Variants in F13B observed in about 807,000 individuals in gnomAD.
F13B encodes the protein TGase.
A neutral mutation model predicts 79.8 loss-of-function variants in F13B; 58 were observed. That is an observed-to-expected ratio of 0.73 (90% CI 0.59 to 0.90). The LOEUF is 0.90. Ranked by LOEUF, F13B falls within the 40% of genes least tolerant of loss-of-function variation. The probability of loss-of-function intolerance (pLI) is 0.00; values close to 1 mark genes in which losing one functional copy is unlikely to be tolerated. For synonymous variants in F13B, 283 were observed against 260.3 expected (o/e 1.09, Z -0.84); for missense variants, 773 against 777.0 (o/e 0.99, Z 0.06).
At chr1:197,064,148 C>T (rs560956292) in intron 1 of F13B, among the ~76,000 whole-genome samples, 1 of 152,092 alleles carries the variant, frequency 6.6e-6, no homozygotes, top group Non-Finnish European at 1.5e-5. Context: ...ATGAAAAAGA[C>T]AAGCTATCTC....
At position 197,060,898 on chromosome 1, in the gene F13B, C is replaced by A. The variant is rs770386778; in HGVS notation, c.628+1G>T. 1.9e-6 allele frequency: 3 copies of A among 1,612,346 alleles called. No homozygotes were observed. Among genetic ancestry groups the A allele is most frequent in the Admixed American group, 1.7e-5 (1 of 59,916 alleles). ...AGATTTTATTCCAAATGAGAACCTA[C>A]TGGTACATTTTGGTGTGAGAGACCA... On this transcript the variant is annotated splice_donor_variant, in intron 4 of 11. Coordinates refer to ENST00000367412, the MANE Select transcript of F13B (RefSeq NM_001994.3). LOFTEE classifies it high-confidence loss of function.
intron 4 of F13B, 129 bp downstream of exon 4, chr1:197,060,770 A>G (rs1655824503): frequency 2.3e-6 from 2 of 888,090 alleles, no homozygotes; most frequent in South Asian, 2.9e-5. Flanking sequence ...ACTGCTATCA[A>G]CATAATTAAA....
At chr1:197,039,690 A>G (rs1296293355) in intron 11 of F13B, among the ~76,000 whole-genome samples, 1 of 152,100 alleles carries the variant, frequency 6.6e-6, no homozygotes. Flanking sequence ...TAAATAGCAT[A>G]TAAAATTTTT....
intron 8 of F13B, among the ~76,000 whole-genome samples, chr1:197,054,695 TTAAA>T (rs1312162247): frequency 6.6e-6 from 1 of 151,916 alleles, no homozygotes; most frequent in Admixed American, 6.6e-5. Context: ...TAATTAATTC[TTAAA>T]TAAATCAAAT....
chr1:197,040,287 G>A (rs1165300368), intron 11 of F13B: 5 of 478,442 alleles, frequency 1.0e-5, no homozygotes, highest in African/African-American at 7.8e-5. Context: ...ATTTGCCAAA[G>A]TGTCACAAAT....
At position 197,046,403 on chromosome 1, in the gene F13B, C is replaced by G. The variant is rs879011722; in HGVS notation, c.1738+4294G>C. Among the ~76,000 whole-genome samples, 8 of 151,988 alleles carry G rather than the reference C, an allele frequency of 5.3e-5. 1 individual carries two copies. The highest frequency in any genetic ancestry group is 1.3e-4 in the Admixed American group (2 of 15,268). On this transcript the variant is annotated intron_variant, in intron 10 of 11. Transcript: ENST00000367412. ...ACAGAGAGCCAAATTATGAGTGAAC[C>G]CCCATTCACAATTACTTCAAAGAGA... is the stretch of plus-strand genomic sequence containing the variant.
In F13B at chr1:197,060,471, C is replaced by T; in HGVS notation, c.700G>A (p.Gly234Arg). The T allele has an allele frequency of 1.2e-6, 2 of 1,608,710 alleles. No individual in the cohort carries two copies. The highest frequency in any genetic ancestry group is 1.7e-6 in the Non-Finnish European group (2 of 1,176,664). ...FHPVKQTYEEGDVVQFFCHEN... is the reference protein window; with the variant it reads ...FHPVKQTYEERDVVQFFCHEN... Reference sequence around the variant, plus strand: ...TGACAGAAAAACTGAACGACATCTCCTTCTTCATAGGTTTGCTTTACAGGA... The same window carrying T: ...TGACAGAAAAACTGAACGACATCTCTTTCTTCATAGGTTTGCTTTACAGGA... The change falls in exon 5 of 12, where the codon GGA becomes AGA. Residue 234 changes from glycine (G) to arginine (R), a missense_variant. By Grantham distance (125) the Gly-to-Arg change is moderately radical. Coordinates refer to ENST00000367412, the MANE Select transcript of F13B (RefSeq NM_001994.3).
intron 3 of F13B, among the ~76,000 whole-genome samples, chr1:197,061,407 T>C (rs1655857708): frequency 6.6e-6 from 1 of 152,150 alleles, no homozygotes; most frequent in Admixed American, 6.6e-5. Context: ...AGTATACATA[T>C]ATTTAAATTA....
chr1:197,063,626 T>A (rs1655947613), intron 1 of F13B, among the ~76,000 whole-genome samples: 1 of 152,154 alleles, frequency 6.6e-6, no homozygotes, highest in Admixed American at 6.6e-5. Flanking sequence ...CTGCCTGCAC[T>A]TCCTAATAGA....
intron 10 of F13B, among the ~76,000 whole-genome samples, chr1:197,044,564 C>T (rs1053021645): frequency 1.1e-4 from 16 of 152,236 alleles, no homozygotes; most frequent in South Asian, 2.1e-4. Context: ...TAATGGGAGA[C>T]TTTAACACCC....
intron 11 of F13B, chr1:197,040,249 TTGCAC>T (rs1558301627): frequency 5.1e-6 from 2 of 390,202 alleles, no homozygotes; most frequent in African/African-American, 4.1e-5. Flanking sequence ...CATTGAAATA[TTGCAC>T]GTATAAATTG....
chr1:197,066,494 G>C (rs991189250), intron 1 of F13B, among the ~76,000 whole-genome samples: 1 of 152,014 alleles, frequency 6.6e-6, no homozygotes, highest in Non-Finnish European at 1.5e-5. Context: ...TACACATTGG[G>C]CAATCTGACT....
intron 8 of F13B, among the ~76,000 whole-genome samples, chr1:197,053,545 G>A (rs539636786): frequency 3.9e-5 from 6 of 152,242 alleles, no homozygotes; most frequent in African/African-American, 1.4e-4. Context: ...CCCCAGCCAT[G>A]TGGAACTGTG....
chr1:197,058,189 A>T (rs1288027809), intron 5 of F13B, among the ~76,000 whole-genome samples: 1 of 152,206 alleles, frequency 6.6e-6, no homozygotes, highest in African/African-American at 2.4e-5. Context: ...TAACTTTATT[A>T]AGTAGGAACT....
chr1:197,044,480 C>G (rs1291571044), intron 10 of F13B, among the ~76,000 whole-genome samples: 1 of 152,026 alleles, frequency 6.6e-6, no homozygotes, highest in Non-Finnish European at 1.5e-5. Context: ...TATATGCACC[C>G]AATTCAGGAG....
intron 10 of F13B, among the ~76,000 whole-genome samples, chr1:197,047,294 G>A (rs985277215): frequency 2.0e-5 from 3 of 152,092 alleles, no homozygotes; most frequent in Non-Finnish European, 4.4e-5. Context: ...AATCTACAAA[G>A]AGCTTAAAAA....
intron 4 of F13B, 100 bp downstream of exon 4, chr1:197,060,799 T>C (rs1457002650): frequency 4.4e-6 from 5 of 1,146,944 alleles, no homozygotes; most frequent in Non-Finnish European, 6.5e-6. Flanking sequence ...CAAAAATGCA[T>C]GAAAAGGTGA....
chr1:197,060,767 T>C (rs1057450387), intron 4 of F13B, 132 bp downstream of exon 4: 2 of 860,692 alleles, frequency 2.3e-6, no homozygotes, highest in Non-Finnish European at 3.8e-6. Context: ...AAGACTGCTA[T>C]CAACATAATT....
In F13B at chr1:197,038,856, T is replaced by G. The variant is rs1654936992; in HGVS notation, c.*522A>C. On this transcript the variant is annotated 3_prime_UTR_variant, in exon 12 of 12. Transcript: ENST00000367412. ...TGGTTATTAACGTTGTAGCAAATAT[T>G]ACAGTTAATTTTAAAAGTTTTTTAC... Among the ~76,000 whole-genome samples the G allele has an allele frequency of 2.0e-5, 3 of 152,076 alleles. No individual in the cohort carries two copies. Among genetic ancestry groups the G allele is most frequent in the Non-Finnish European group, 4.4e-5 (3 of 67,992 alleles).
Sources: gnomAD v4.1 joint callset for allele counts (sites outside exome capture counted in the v4.1 genomes callset) on GRCh38, gnomAD v4.1.1 for gene constraint, MANE v1.5 for transcripts, NCBI Gene and HGNC (gene_info 2026-07-23, HGNC 2026-07-21) for gene names.